Variants in WDR93 observed in about 807,000 individuals in gnomAD.
WDR93 encodes WD repeat domain 93, also known as WD repeat-containing protein 93.
A neutral mutation model predicts 82.9 loss-of-function variants in WDR93; 73 were observed. That is an observed-to-expected ratio of 0.88 (90% confidence interval 0.73 to 1.07). WDR93 has a LOEUF of 1.07. WDR93 is among the 50% of genes least tolerant of loss of function. The pLI, the probability that WDR93 is intolerant of heterozygous loss-of-function variation, is 0.00. For synonymous variants in WDR93, 283 were observed against 300.1 expected, an observed-to-expected ratio of 0.94 and a Z score of 0.59; for missense variants, 738 against 826.0, an observed-to-expected ratio of 0.89 and a Z score of 1.31.
chr15:89,699,421 TTTC>T (rs34527823), intron 1 of WDR93, among the ~76,000 whole-genome samples: 66,037 of 151,550 alleles, frequency 0.44, 14,836 homozygotes, highest in African/African-American at 0.5. Context: ...ATGGGATGCC[TTTC>T]TTCTTCTGGC....
At chr15:89,741,322 C>CCGGGCT (rs1489405029) in intron 16 of WDR93, among the ~76,000 whole-genome samples, 1 of 152,042 alleles carries the variant, frequency 6.6e-6, no homozygotes, top group Non-Finnish European at 1.5e-5. Context: ...CCTTGACTTC[C>CCGGGCT]CGGGCTCAGG....
At chr15:89,704,144 G>C (rs1332924867) in intron 3 of WDR93, 3 of 146,984 alleles carry the variant, frequency 2.0e-5, no homozygotes, top group Non-Finnish European at 3.0e-5. Context: ...GGCCAACATG[G>C]TGAAACCCCG....
At chr15:89,733,435 A>C (rs917274643) in intron 13 of WDR93, among the ~76,000 whole-genome samples, 2 of 151,358 alleles carry the variant, frequency 1.3e-5, no homozygotes, top group South Asian at 2.1e-4. Context: ...CTATGGTTTG[A>C]CTCTCCCCTC....
At chr15:89,740,512 T>C (rs1967580491) in intron 16 of WDR93, among the ~76,000 whole-genome samples, 1 of 152,178 alleles carries the variant, frequency 6.6e-6, no homozygotes, top group African/African-American at 2.4e-5. Context: ...TTTTTGTTTT[T>C]GTTTTTGAAA....
intron 15 of WDR93, 134 bp from the exon 16 acceptor site, chr15:89,737,907 C>A: frequency 7.6e-7 from 1 of 1,320,356 alleles, no homozygotes; most frequent in Non-Finnish European, 1.0e-6. Context: ...AGGGTCTTCT[C>A]TCTGAAGTCA....
rs767564053 is a variant in WDR93 at position 89,743,396 on chromosome 15, G to A, written c.*5G>A. The A allele has an allele frequency of 6.2e-7, 1 of 1,614,044 alleles. No homozygotes were observed. The highest frequency in any genetic ancestry group is 8.5e-7 in the Non-Finnish European group (1 of 1,179,960). On this transcript the variant is annotated 3_prime_UTR_variant, in exon 17 of 17. Transcript: ENST00000268130. ...AGAGAGAACTTCAAGAAGTGAGGCTGCCACCGCCCTGGGATCTCTGAAAAG... is the reference window on the plus strand; with the variant it reads ...AGAGAGAACTTCAAGAAGTGAGGCTACCACCGCCCTGGGATCTCTGAAAAG...
upstream of WDR93, chr15:89,690,619 G>C: frequency 6.4e-7 from 1 of 1,551,416 alleles, no homozygotes; most frequent in Non-Finnish European, 8.7e-7. Context: ...GGTGAAGCGG[G>C]TGAAGGCGTC....
chr15:89,713,736 G>A (rs987348843), intron 5 of WDR93, among the ~76,000 whole-genome samples: 1 of 152,160 alleles, frequency 6.6e-6, no homozygotes, highest in Admixed American at 6.5e-5. Flanking sequence ...GCCTCTGAAA[G>A]TGCTAGGATT....
intron 15 of WDR93, 27 bp from the exon 16 acceptor site, chr15:89,738,014 G>C (rs1438385246): frequency 1.3e-6 from 2 of 1,585,998 alleles, no homozygotes; most frequent in African/African-American, 2.7e-5. Flanking sequence ...TTGTTACACA[G>C]AACATGGTGT....
intron 13 of WDR93, among the ~76,000 whole-genome samples, chr15:89,735,238 C>T (rs1967068136): frequency 6.6e-6 from 1 of 152,220 alleles, no homozygotes; most frequent in African/African-American, 2.4e-5. Flanking sequence ...AAGAGCCATA[C>T]ATGTTGATGC....
chr15:89,694,437 A>G (rs201038445), intron 1 of WDR93, among the ~76,000 whole-genome samples: 65 of 151,896 alleles, frequency 4.3e-4, no homozygotes, highest in East Asian at 1.9e-3. Flanking sequence ...GGGTTTCACC[A>G]TGTTACCCAG....
In WDR93 at chr15:89,701,332, C is replaced by A. The variant is rs552888834; in HGVS notation, c.-40-375C>A. On this transcript the variant is annotated intron_variant, in intron 1 of 16. Coordinates refer to ENST00000268130, the MANE Select transcript of WDR93 (RefSeq NM_020212.2). ...AGAAAGGGAGGAGAGTCGTGGCTCACTGCCCACCTGGCTTGGGCACAGCCA... is the reference window on the plus strand; with the variant it reads ...AGAAAGGGAGGAGAGTCGTGGCTCAATGCCCACCTGGCTTGGGCACAGCCA... Among the ~76,000 whole-genome samples, 143 of 152,278 alleles carry A rather than the reference C, an allele frequency of 9.4e-4. 1 individual carries two copies. Among genetic ancestry groups the A allele is most frequent in the African/African-American group, 3.3e-3 (139 of 41,548 alleles).
chr15:89,712,129 G>T (rs1330451599), intron 5 of WDR93, 25 bp downstream of exon 5: 1 of 1,586,590 alleles, frequency 6.3e-7, no homozygotes, highest in Non-Finnish European at 8.6e-7. Flanking sequence ...AGACTGTTAA[G>T]GTTCAAATTT....
At chr15:89,726,634 T>C (rs954486889) in intron 8 of WDR93, among the ~76,000 whole-genome samples, 1 of 152,162 alleles carries the variant, frequency 6.6e-6, no homozygotes, top group South Asian at 2.1e-4. Flanking sequence ...TGAAAGGTTA[T>C]TGGGAAGAGA....
intron 8 of WDR93, among the ~76,000 whole-genome samples, chr15:89,724,172 C>CCA (rs1210732146): frequency 5.9e-5 from 7 of 118,672 alleles, no homozygotes; most frequent in Non-Finnish European, 1.3e-4. Context: ...AACCCCATCT[C>CCA]CACAAAAAAA....
intron 1 of WDR93, among the ~76,000 whole-genome samples, chr15:89,693,592 C>A (rs975182688): frequency 6.6e-6 from 1 of 152,164 alleles, no homozygotes; most frequent in African/African-American, 2.4e-5. Flanking sequence ...CTGACATACC[C>A]AGTTTCTCAG....
At chr15:89,736,104 G>C (rs1421952204) in intron 14 of WDR93, among the ~76,000 whole-genome samples, 1 of 152,222 alleles carries the variant, frequency 6.6e-6, no homozygotes, top group Non-Finnish European at 1.5e-5. Flanking sequence ...GTGTGGGATG[G>C]GGCTCAAACA....
intron 8 of WDR93, among the ~76,000 whole-genome samples, chr15:89,722,665 C>T (rs910899781): frequency 6.6e-6 from 1 of 152,066 alleles, no homozygotes; most frequent in African/African-American, 2.4e-5. Context: ...GGGTAAGAAG[C>T]GACTGACTTG....
chr15:89,722,087 A>T lies in WDR93; in HGVS notation c.828A>T (p.Lys276Asn). ...ATGTTAGTTTTAAAGGAGACATTAA[A>T]TTGAGTCTTCCAGTTTACATAATGA... ...DANVSFKGDI[K>N]LSLPVYIMKI... Residue 276 changes from lysine (K) to asparagine (N), a missense_variant, in exon 8 of 17, where the codon AAA becomes AAT. Lys to Asn is a moderately conservative substitution (Grantham distance 94, BLOSUM62 0). Coordinates refer to ENST00000268130, the MANE Select transcript of WDR93 (RefSeq NM_020212.2). The T allele has an allele frequency of 6.2e-7, 1 of 1,609,934 alleles. No individual in the cohort carries two copies. Among genetic ancestry groups the T allele is most frequent in the Non-Finnish European group, 8.5e-7 (1 of 1,178,658 alleles).
Sources: allele counts gnomAD v4.1 joint callset (sites outside exome capture counted in the v4.1 genomes callset), GRCh38; gene constraint gnomAD v4.1.1; transcripts MANE v1.5; gene names NCBI Gene and HGNC (gene_info 2026-07-23, HGNC 2026-07-21).